Variants in GPC5 observed in about 807,000 individuals in gnomAD.
GPC5 encodes glypican 5, also known as glypican-5.
Under a neutral mutation model 53.9 loss-of-function variants are expected in GPC5, and 47 were observed. The observed-to-expected ratio is 0.87, with a 90% confidence interval of 0.69 to 1.11. The LOEUF (loss-of-function observed/expected upper bound fraction) is 1.11, where lower values mean the gene tolerates loss of function less well. GPC5 is among the 50% of genes most tolerant of loss of function. The pLI is 0.00. For synonymous variants in GPC5, 286 were observed against 263.3 expected, an observed-to-expected ratio of 1.09 and a Z score of -0.84; for missense variants, 748 against 713.1, an observed-to-expected ratio of 1.05 and a Z score of -0.56.
intron 7 of GPC5, among the ~76,000 whole-genome samples, chr13:92,772,939 T>C (rs1301173358): frequency 6.6e-6 from 1 of 152,162 alleles, no homozygotes. Context: ...AAGCATGTGC[T>C]TAAACTAGTA....
chr13:92,445,529 T>C (rs1015658359), intron 7 of GPC5, among the ~76,000 whole-genome samples: 1 of 138,652 alleles, frequency 7.2e-6, no homozygotes, highest in African/African-American at 2.7e-5. Flanking sequence ...TGTGTTCTCA[T>C]TGTTCATTTC....
intron 6 of GPC5, among the ~76,000 whole-genome samples, chr13:92,030,108 A>G (rs1418701798): frequency 6.6e-6 from 1 of 152,232 alleles, no homozygotes; most frequent in Admixed American, 6.5e-5. Context: ...TGCTGACTGA[A>G]CAGCAGCAGT....
At chr13:92,057,824 T>A (rs1343376479) in intron 6 of GPC5, among the ~76,000 whole-genome samples, 2 of 152,286 alleles carry the variant, frequency 1.3e-5, no homozygotes, top group South Asian at 4.1e-4. Flanking sequence ...AACCTTCGTA[T>A]TTTTAAAACA....
chr13:92,552,763 A>C (rs1180882051), intron 7 of GPC5, among the ~76,000 whole-genome samples: 1 of 151,896 alleles, frequency 6.6e-6, no homozygotes. Flanking sequence ...CTTTTTAAAT[A>C]ATTTAACCTG....
intron 1 of GPC5, among the ~76,000 whole-genome samples, chr13:91,400,001 C>T (rs1289047595): frequency 6.6e-6 from 1 of 152,174 alleles, no homozygotes; most frequent in African/African-American, 2.4e-5. Flanking sequence ...TCGAACCCTG[C>T]TCCCCGTTTC....
chr13:92,567,167 T>C (rs561954784), intron 7 of GPC5, among the ~76,000 whole-genome samples: 3 of 152,238 alleles, frequency 2.0e-5, no homozygotes, highest in Admixed American at 2.0e-4. Flanking sequence ...ATGTTCCCAG[T>C]GCTAAAAATT....
At chr13:92,692,121 T>G (rs1887418679) in intron 7 of GPC5, among the ~76,000 whole-genome samples, 1 of 152,158 alleles carries the variant, frequency 6.6e-6, no homozygotes, top group African/African-American at 2.4e-5. Flanking sequence ...AATGAGAAAT[T>G]ACTGTATTTA....
chr13:92,251,159 G>A (rs2042690201), intron 7 of GPC5, among the ~76,000 whole-genome samples: 2 of 152,198 alleles, frequency 1.3e-5, no homozygotes, highest in African/African-American at 4.8e-5. Flanking sequence ...GTGAAGCTGG[G>A]GAAGCAGTTA....
At position 91,398,968 on chromosome 13, in the gene GPC5, C is replaced by T. The variant is rs1417537053; in HGVS notation, c.-79C>T. The T allele has an allele frequency of 6.7e-7, 1 of 1,482,996 alleles. No homozygotes were observed. The highest frequency in any genetic ancestry group is 2.2e-5 in the Admixed American group (1 of 45,694). The allele number at this position is 1,482,996 out of a possible 1,614,324, so 91.9% of individuals were successfully genotyped here. On this transcript the variant is annotated 5_prime_UTR_variant, in exon 1 of 8. Coordinates refer to ENST00000377067, the MANE Select transcript of GPC5 (RefSeq NM_004466.6). The stretch of plus-strand genomic sequence containing the variant: ...CGCTCGAGAGCCTCGGCCGCTGTGT[C>T]TTCCACGTCTGCAGCTCAGCCAGGG...
chr13:91,438,296 C>T (rs1487276440), intron 1 of GPC5, among the ~76,000 whole-genome samples: 1 of 152,162 alleles, frequency 6.6e-6, no homozygotes, highest in Admixed American at 6.5e-5. Flanking sequence ...GTGGTTTTAT[C>T]TACCTTTGGT....
intron 7 of GPC5, among the ~76,000 whole-genome samples, chr13:92,556,581 A>G (rs773870063): frequency 1.6e-4 from 25 of 151,772 alleles, no homozygotes; most frequent in Non-Finnish European, 2.9e-4. Context: ...AGACATGAAA[A>G]CACCCAGTCT....
chr13:91,560,093 A>G (rs1035495986), intron 2 of GPC5, among the ~76,000 whole-genome samples: 32 of 152,092 alleles, frequency 2.1e-4, no homozygotes, highest in Non-Finnish European at 4.4e-5. Flanking sequence ...GTTGACTCCA[A>G]TAGCTTACTT....
Position 92,292,507 on chromosome 13 carries a change from C to A in GPC5, c.1561+147518C>A, listed in dbSNP as rs990522912. Among the ~76,000 whole-genome samples, 5 of 152,058 alleles carry A rather than the reference C, an allele frequency of 3.3e-5. 1 individual carries two copies. Among genetic ancestry groups the A allele is most frequent in the Admixed American group, 2.6e-4 (4 of 15,264 alleles). Reference sequence around the variant, plus strand: ...GAGAATTGTCTATTCATGTCCTTAGCCCACTTTTTGATGGGATTTTTTTTT... The same window carrying A: ...GAGAATTGTCTATTCATGTCCTTAGACCACTTTTTGATGGGATTTTTTTTT... On this transcript the variant is annotated intron_variant, in intron 7 of 7. Transcript: ENST00000377067.
intron 1 of GPC5, among the ~76,000 whole-genome samples, chr13:91,405,015 G>A (rs1289844672): frequency 1.3e-5 from 2 of 152,102 alleles, no homozygotes; most frequent in Non-Finnish European, 2.9e-5. Context: ...TTTTTAAAGT[G>A]GCTGTACAGT....
In GPC5 at chr13:92,031,751, AT is replaced by A. The variant is rs1343580910; in HGVS notation, c.1402-113077del. Among the ~76,000 whole-genome samples, 6 of 80,830 alleles carry A rather than the reference AT, an allele frequency of 7.4e-5. No individual in the cohort carries two copies. The South Asian group carries it at 1.2e-3, about 16-fold the overall frequency. The allele number at this position is 80,830 out of a possible 152,430, so 53.0% of individuals were successfully genotyped here. On this transcript the variant is annotated intron_variant, in intron 6 of 7. Coordinates refer to ENST00000377067, the MANE Select transcript of GPC5 (RefSeq NM_004466.6). The stretch of plus-strand genomic sequence containing the variant: ...ATATTACATATTATATATAATATAT[AT>A]TATATTACATATTATATATAATATA...
At chr13:92,618,509 A>C (rs1482915657) in intron 7 of GPC5, among the ~76,000 whole-genome samples, 2 of 152,020 alleles carry the variant, frequency 1.3e-5, no homozygotes, top group Admixed American at 6.6e-5. Flanking sequence ...ACACAGTAAG[A>C]TACACCATGG....
At chr13:92,399,951 C>G (rs1001834319) in intron 7 of GPC5, among the ~76,000 whole-genome samples, 1 of 152,166 alleles carries the variant, frequency 6.6e-6, no homozygotes, top group Non-Finnish European at 1.5e-5. Flanking sequence ...TTGTGGTTGA[C>G]TGACTGTAGG....
At chr13:92,355,573 A>T (rs115091294) in intron 7 of GPC5, among the ~76,000 whole-genome samples, 1 of 152,036 alleles carries the variant, frequency 6.6e-6, no homozygotes, top group Non-Finnish European at 1.5e-5. Context: ...CCCTTTATTT[A>T]TTGAAGATTT....
chr13:91,719,808 C>T (rs74676760), intron 3 of GPC5, among the ~76,000 whole-genome samples: 1 of 150,998 alleles, frequency 6.6e-6, no homozygotes, highest in Non-Finnish European at 1.5e-5. Flanking sequence ...TGGAAATGTT[C>T]AATGTACTTA....
Sources: allele counts gnomAD v4.1 joint callset (sites outside exome capture counted in the v4.1 genomes callset), GRCh38; gene constraint gnomAD v4.1.1; transcripts MANE v1.5; gene names NCBI Gene and HGNC (gene_info 2026-07-23, HGNC 2026-07-21).